Variants in DPP10 observed in about 807,000 individuals in gnomAD.
The protein encoded by DPP10 is inactive dipeptidyl peptidase 10.
DPP10 carries 33 observed loss-of-function variants against 120.9 expected under a neutral mutation model. That is an observed-to-expected ratio of 0.27 (90% CI 0.21 to 0.37). The LOEUF (loss-of-function observed/expected upper bound fraction) is 0.37, where lower values mean the gene tolerates loss of function less well. DPP10 is among the 10% of genes least tolerant of loss of function. DPP10 has a pLI of 1.00. For missense variants in DPP10, 816 were observed against 942.8 expected (o/e 0.87, Z 1.76); for synonymous variants, 337 against 326.1 (o/e 1.03, Z -0.36).
chr2:115,776,030 A>G (rs1478439386), intron 13 of DPP10, among the ~76,000 whole-genome samples: 3 of 152,172 alleles, frequency 2.0e-5, no homozygotes, highest in African/African-American at 4.8e-5. Flanking sequence ...AGCTTTATTC[A>G]TATAGCATAA....
intron 1 of DPP10, among the ~76,000 whole-genome samples, chr2:115,037,240 G>A (rs993434121): frequency 1.3e-5 from 2 of 151,960 alleles, no homozygotes; most frequent in Non-Finnish European, 2.9e-5. Context: ...CCCATAATAC[G>A]TAATAAAAAA....
At chr2:114,534,727 C>T (rs1286376857) in intron 1 of DPP10, among the ~76,000 whole-genome samples, 2 of 151,378 alleles carry the variant, frequency 1.3e-5, no homozygotes, top group African/African-American at 4.9e-5. Flanking sequence ...TAAGGGAATA[C>T]GTATCAACAA....
intron 8 of DPP10, among the ~76,000 whole-genome samples, chr2:115,738,584 T>A (rs1048606166): frequency 3.3e-5 from 5 of 152,182 alleles, no homozygotes; most frequent in African/African-American, 1.2e-4. Context: ...AAGCATTTGT[T>A]CTCCCAATGC....
Position 115,060,042 on chromosome 2 carries a change from T to G in DPP10, c.61-249197T>G, listed in dbSNP as rs569840199. 1.8e-3 allele frequency among the ~76,000 whole-genome samples: 273 copies of G among 152,174 alleles called. 2 individuals are homozygous for G. The highest frequency in any genetic ancestry group is 6.2e-3 in the African/African-American group (256 of 41,536). Reference sequence around the variant, plus strand: ...ATCTTCAATGTAATTTACTAACAATTATTTAAAGCTCCCTCTCTCACTATT... The same window carrying G: ...ATCTTCAATGTAATTTACTAACAATGATTTAAAGCTCCCTCTCTCACTATT... On this transcript the variant is annotated intron_variant, in intron 1 of 25. Coordinates refer to ENST00000410059, the MANE Select transcript of DPP10 (RefSeq NM_020868.6).
intron 1 of DPP10, among the ~76,000 whole-genome samples, chr2:114,443,452 C>G (rs567349768): frequency 6.6e-6 from 1 of 152,272 alleles, no homozygotes; most frequent in South Asian, 2.1e-4. Flanking sequence ...TGAGGCTTTT[C>G]TGACAGCACA....
chr2:115,527,686 A>G (rs917153903), intron 5 of DPP10, among the ~76,000 whole-genome samples: 1 of 152,138 alleles, frequency 6.6e-6, no homozygotes, highest in Admixed American at 6.6e-5. Context: ...ACACAACTAT[A>G]CAATCAGAAA....
At chr2:115,383,477 A>T (rs1451277391) in intron 3 of DPP10, among the ~76,000 whole-genome samples, 1 of 152,202 alleles carries the variant, frequency 6.6e-6, no homozygotes, top group Admixed American at 6.5e-5. Flanking sequence ...TATCAGCAGC[A>T]TGAAAATGGA....
chr2:115,580,668 G>T (rs1263740603), intron 5 of DPP10, among the ~76,000 whole-genome samples: 1 of 152,062 alleles, frequency 6.6e-6, no homozygotes, highest in Non-Finnish European at 1.5e-5. Flanking sequence ...ATTAATAAAT[G>T]AATTCTTGCA....
intron 1 of DPP10, among the ~76,000 whole-genome samples, chr2:114,600,744 T>C (rs1040645297): frequency 2.0e-5 from 3 of 151,862 alleles, no homozygotes; most frequent in Admixed American, 1.3e-4. Flanking sequence ...TCAGCTCTTA[T>C]GCATTGGAAT....
chr2:114,805,064 A>G (rs1271579974), intron 1 of DPP10, among the ~76,000 whole-genome samples: 2 of 152,114 alleles, frequency 1.3e-5, no homozygotes, highest in African/African-American at 2.4e-5. Context: ...AAGTCTCACG[A>G]GATCTGATGG....
chr2:115,088,235 CATATATAA>C (rs1708890133), intron 1 of DPP10, among the ~76,000 whole-genome samples: 1 of 152,062 alleles, frequency 6.6e-6, no homozygotes, highest in Admixed American at 6.5e-5. Context: ...TTAGAATTTC[CATATATAA>C]ATTGTTAAGG....
chr2:115,385,248 A>G (rs1381043600), intron 3 of DPP10, among the ~76,000 whole-genome samples: 1 of 152,132 alleles, frequency 6.6e-6, no homozygotes, highest in East Asian at 1.9e-4. Context: ...AAGGAGTGCT[A>G]TACAGAGAGG....
chr2:115,015,130 G>A (rs1333387195), intron 1 of DPP10, among the ~76,000 whole-genome samples: 1 of 152,130 alleles, frequency 6.6e-6, no homozygotes, highest in African/African-American at 2.4e-5. Flanking sequence ...AAATCCAGCA[G>A]CACATCAAAA....
intron 7 of DPP10, 48 bp from the exon 8 acceptor site, chr2:115,727,768 C>T: frequency 1.3e-6 from 2 of 1,533,206 alleles, no homozygotes; most frequent in East Asian, 2.4e-5. Context: ...TTTCAAAAGG[C>T]ATCCTAACGT....
chr2:115,175,169 T>G (rs1474058910), intron 1 of DPP10, among the ~76,000 whole-genome samples: 2 of 152,202 alleles, frequency 1.3e-5, no homozygotes, highest in Non-Finnish European at 2.9e-5. Context: ...TTTCATTCCC[T>G]TGTGACTCGC....
intron 1 of DPP10, among the ~76,000 whole-genome samples, chr2:114,966,391 G>C (rs540162632): frequency 6.6e-6 from 1 of 152,248 alleles, no homozygotes; most frequent in Admixed American, 6.5e-5. Context: ...GAAGGGGTTA[G>C]TTCCTGAGAG....
chr2:115,618,208 C>T (rs147015791), intron 5 of DPP10, among the ~76,000 whole-genome samples: 2 of 152,102 alleles, frequency 1.3e-5, no homozygotes, highest in Non-Finnish European at 2.9e-5. Context: ...AAATAATATG[C>T]TTTCTACTAG....
At chr2:115,447,810 C>G (rs946918312) in intron 3 of DPP10, among the ~76,000 whole-genome samples, 3 of 152,154 alleles carry the variant, frequency 2.0e-5, no homozygotes, top group Non-Finnish European at 4.4e-5. Flanking sequence ...TCAGGCATTT[C>G]TTTATGGCAG....
intron 1 of DPP10, among the ~76,000 whole-genome samples, chr2:114,890,962 C>T (rs970479394): frequency 6.7e-6 from 1 of 150,246 alleles, no homozygotes; most frequent in Non-Finnish European, 1.5e-5. Context: ...GCTGTTGCTC[C>T]ACATAGGAAA....
Sources: allele counts gnomAD v4.1 joint callset (sites outside exome capture counted in the v4.1 genomes callset), GRCh38; gene constraint gnomAD v4.1.1; transcripts MANE v1.5; gene names NCBI Gene and HGNC (gene_info 2026-07-23, HGNC 2026-07-21).